RGS6: variants seen among roughly 807,000 people sequenced by gnomAD.
The protein encoded by RGS6 is regulator of G-protein signaling 6.
RGS6 carries 30 observed loss-of-function variants against 78.5 expected under a neutral mutation model. The observed-to-expected ratio is 0.38, with a 90% CI of 0.29 to 0.52. The LOEUF (loss-of-function observed/expected upper bound fraction) is 0.52. Ranked by LOEUF, RGS6 falls within the 20% of genes least tolerant of loss-of-function variation. RGS6 has a pLI of 0.85. For missense variants in RGS6, 495 were observed against 609.7 expected, an observed-to-expected ratio of 0.81 and a Z score of 1.98; for synonymous variants, 206 against 206.0, an observed-to-expected ratio of 1.00 and a Z score of 0.00.
At chr14:72,528,946 C>G (rs1329886216) in intron 15 of RGS6, among the ~76,000 whole-genome samples, 1 of 152,248 alleles carries the variant, frequency 6.6e-6, no homozygotes, top group Non-Finnish European at 1.5e-5. Context: ...CTTGCTGTCC[C>G]TGGCAGTGAT....
chr14:72,491,483 A>T (rs2153404551), intron 12 of RGS6, among the ~76,000 whole-genome samples: 1 of 152,354 alleles, frequency 6.6e-6, no homozygotes, highest in South Asian at 2.1e-4. Flanking sequence ...AAGGAACAAA[A>T]ATGGCATGAA....
At position 72,563,807 on chromosome 14, in the gene RGS6, CAG is replaced by C. The variant is rs1403655649; in HGVS notation, c.*1343_*1344del. 6.6e-6 allele frequency: 1 copy of C among 152,126 alleles called. No individual in the cohort carries two copies. 9.4% of individuals were successfully genotyped at this position (152,126 alleles called of 1,614,324 possible). A position where few individuals can be genotyped will look rare whatever the true frequency, so the allele number is the denominator to read the frequency against. On this transcript the variant is annotated 3_prime_UTR_variant, in exon 18 of 18. Coordinates refer to ENST00000553525, the MANE Select transcript of RGS6 (RefSeq NM_001204424.2). ...ATTGTGACACCCATGAGCCCACAGACAGAGCTGTATTAAGTAACCTGTTTTGA... is the reference window on the plus strand; with the variant it reads ...ATTGTGACACCCATGAGCCCACAGACAGCTGTATTAAGTAACCTGTTTTGA...
chr14:72,354,704 T>C (rs538690254), intron 3 of RGS6, among the ~76,000 whole-genome samples: 1 of 152,202 alleles, frequency 6.6e-6, no homozygotes, highest in Non-Finnish European at 1.5e-5. Context: ...GGGGCCCTCC[T>C]TCATAAACTC....
chr14:72,287,881 A>C (rs1439014850), intron 2 of RGS6, among the ~76,000 whole-genome samples: 3 of 152,200 alleles, frequency 2.0e-5, no homozygotes, highest in Non-Finnish European at 4.4e-5. Context: ...TCATTCTGTT[A>C]ATGTATATTA....
At chr14:72,583,817 A>G in the RGS6 span, among the ~76,000 whole-genome samples, 1 of 152,294 alleles carries the variant, frequency 6.6e-6, no homozygotes, top group East Asian at 1.9e-4. Context: ...GACTCCTGGA[A>G]AAAATTCTGG....
At chr14:72,169,585 T>G (rs2096980835) in intron 2 of RGS6, among the ~76,000 whole-genome samples, 1 of 152,214 alleles carries the variant, frequency 6.6e-6, no homozygotes, top group Non-Finnish European at 1.5e-5. Flanking sequence ...ATGATTTAGA[T>G]GTCTGAAATC....
chr14:72,133,874 A>G (rs2096381266), intron 2 of RGS6, among the ~76,000 whole-genome samples: 1 of 152,118 alleles, frequency 6.6e-6, no homozygotes, highest in African/African-American at 2.4e-5. Flanking sequence ...TCTAGAAGGC[A>G]TCTTTCATAT....
intron 3 of RGS6, among the ~76,000 whole-genome samples, chr14:72,363,385 C>G (rs10148726): frequency 2.0e-5 from 3 of 152,148 alleles, no homozygotes; most frequent in Non-Finnish European, 2.9e-5. Flanking sequence ...TGTACAGCCA[C>G]GCATCATTAA....
In RGS6 at chr14:72,295,088, G is replaced by A. The variant is rs1004793471; in HGVS notation, c.85-57007G>A. Among the ~76,000 whole-genome samples, 17 of 151,816 alleles carry A rather than the reference G, an allele frequency of 1.1e-4. No homozygotes were observed. In the East Asian group the frequency reaches 1.9e-3, roughly 17 times the overall value. ...GGGCGGATCACGAGGTCAGGAGATCGAGACCATCCCGGCTAAAACGGTGAA... is the reference window on the plus strand; with the variant it reads ...GGGCGGATCACGAGGTCAGGAGATCAAGACCATCCCGGCTAAAACGGTGAA... On this transcript the variant is annotated intron_variant, in intron 2 of 17. Coordinates refer to ENST00000553525, the MANE Select transcript of RGS6 (RefSeq NM_001204424.2).
intron 4 of RGS6, 29 bp from the exon 5 acceptor site, chr14:72,458,242 C>T: frequency 1.3e-6 from 2 of 1,544,452 alleles, no homozygotes; most frequent in Non-Finnish European, 1.8e-6. Context: ...CTTTCTAATT[C>T]CTTCTCTCTC....
intron 2 of RGS6, among the ~76,000 whole-genome samples, chr14:72,120,158 A>T (rs2096010484): frequency 6.6e-6 from 1 of 152,240 alleles, no homozygotes; most frequent in Non-Finnish European, 1.5e-5. Context: ...TATTTAGAGG[A>T]TATAATTCAG....
At chr14:72,567,291 C>T (rs1486774307), downstream of RGS6, among the ~76,000 whole-genome samples, 2 of 152,200 alleles carry the variant, frequency 1.3e-5, no homozygotes, top group Non-Finnish European at 2.9e-5. Flanking sequence ...GCCTCAGGTC[C>T]ATAACATGTC....
chr14:71,885,021 A>G, the RGS6 span, among the ~76,000 whole-genome samples: 1 of 152,184 alleles, frequency 6.6e-6, no homozygotes, highest in African/African-American at 2.4e-5. Context: ...GGAAACTGAC[A>G]GCACTGCAAA....
At chr14:72,044,417 C>T (rs570459196) in intron 2 of RGS6, among the ~76,000 whole-genome samples, 176 of 152,320 alleles carry the variant, frequency 1.2e-3, no homozygotes, top group African/African-American at 4.1e-3. Context: ...ATTCAGTCAG[C>T]TGAGGTCCCA....
intron 2 of RGS6, among the ~76,000 whole-genome samples, chr14:71,984,181 A>G (rs2153145316): frequency 6.6e-6 from 1 of 152,198 alleles, no homozygotes; most frequent in South Asian, 2.1e-4. Context: ...TATTACAGAT[A>G]AGGGAACTGA....
intron 3 of RGS6, among the ~76,000 whole-genome samples, chr14:72,435,371 A>G (rs1049677385): frequency 2.0e-5 from 3 of 152,200 alleles, no homozygotes; most frequent in African/African-American, 7.2e-5. Context: ...CCTTAGTAAT[A>G]AAACCCTGCT....
the RGS6 span, among the ~76,000 whole-genome samples, chr14:71,926,214 T>C: frequency 6.6e-6 from 1 of 152,252 alleles, no homozygotes; most frequent in African/African-American, 2.4e-5. Context: ...CAAAGCAATC[T>C]TGAAGAAAAA....
chr14:72,117,874 G>A (rs2095941598), intron 2 of RGS6, among the ~76,000 whole-genome samples: 1 of 152,154 alleles, frequency 6.6e-6, no homozygotes, highest in Non-Finnish European at 1.5e-5. Context: ...CCCACCTGCA[G>A]CTGGCTGTTG....
chr14:72,347,827 A>G (rs1026330348), intron 2 of RGS6, among the ~76,000 whole-genome samples: 4 of 152,212 alleles, frequency 2.6e-5, no homozygotes, highest in African/African-American at 9.7e-5. Flanking sequence ...ACCCCTTTTT[A>G]AGGTAAAATA....
Sources: allele counts gnomAD v4.1 joint callset (sites outside exome capture counted in the v4.1 genomes callset), GRCh38; gene constraint gnomAD v4.1.1; transcripts MANE v1.5; gene names NCBI Gene and HGNC (gene_info 2026-07-23, HGNC 2026-07-21).